The following NRIP1 variants were observed in gnomAD, a reference collection of about 807,000 sequenced individuals.
NRIP1 encodes the protein nuclear receptor interacting protein 1, also known as nuclear receptor-interacting protein 1.
Under a neutral mutation model 75.0 loss-of-function variants are expected in NRIP1, and 28 were observed. The ratio of observed to expected loss-of-function variants is 0.37; its 90% CI spans 0.28 to 0.51. The LOEUF is 0.51. NRIP1 is among the 20% of genes least tolerant of loss of function. The probability of loss-of-function intolerance (pLI) is 0.92; values close to 1 mark genes in which losing one functional copy is unlikely to be tolerated. For synonymous variants in NRIP1, 526 were observed against 487.6 expected (o/e 1.08, Z -1.04); for missense variants, 1,435 against 1,343.7 (o/e 1.07, Z -1.06).
chr21:14,994,125 G>T (rs1449650693), intron 3 of NRIP1, among the ~76,000 whole-genome samples: 1 of 151,924 alleles, frequency 6.6e-6, no homozygotes, highest in Non-Finnish European at 1.5e-5. Context: ...AGATTTTTTT[G>T]GGGGTGGGGT....
chr21:14,967,259 C>T lies in NRIP1; in HGVS notation c.934G>A (p.Val312Ile). 6.2e-7 allele frequency: 1 copy of T among 1,613,956 alleles called. No homozygotes were observed. The highest frequency in any genetic ancestry group is 1.7e-5 in the Admixed American group (1 of 59,962). ...ARLQENGQKDVGSYQLPKGMS... is the reference protein window; with the variant it reads ...ARLQENGQKDIGSYQLPKGMS... ...CCTTTTGGGAGCTGGTAACTGCCAA[C>T]ATCCTTCTGGCCATTTTCTTGCAAT... is the stretch of plus-strand genomic sequence containing the variant. The change falls in exon 4 of 4, where the codon GTT becomes ATT. Residue 312 changes from valine (V) to isoleucine (I), a missense_variant. Val to Ile is a conservative substitution (Grantham distance 29). Coordinates refer to ENST00000318948, the MANE Select transcript of NRIP1 (RefSeq NM_003489.4).
At position 14,975,945 on chromosome 21, in the gene NRIP1, T is replaced by C. The variant is rs146394425; in HGVS notation, c.-334-7419A>G. ...ATGGACATATATAGTAACAGCAAGG[T>C]ACTATGTTTGAGTCTATTAAGGACA... is the stretch of plus-strand genomic sequence containing the variant. On this transcript the variant is annotated intron_variant, in intron 3 of 3. Transcript: ENST00000318948. Among the ~76,000 whole-genome samples the C allele has an allele frequency of 9.4e-4, 143 of 152,296 alleles. 1 individual carries two copies. The highest frequency in any genetic ancestry group is 1.6e-3 in the Admixed American group (25 of 15,296).
rs767634577 is a variant in NRIP1 at position 14,965,640 on chromosome 21, A to G, written c.2553T>C (p.Asn851=). 4.3e-6 allele frequency: 7 copies of G among 1,613,114 alleles called. No homozygotes were observed. The highest frequency in any genetic ancestry group is 5.9e-6 in the Non-Finnish European group (7 of 1,179,892). The part of the protein sequence containing the change: ...NNEMALLESK[N]LCMVPKKRKL... ...TCCTTTTCTTAGGGACCATGCAAAG[A>G]TTCTTTGATTCTAGAAGTGCCATTT... Residue 851 remains asparagine (N), a synonymous_variant, in exon 4 of 4, where the codon AAT becomes AAC. Transcript: ENST00000318948.
At chr21:15,065,228 G>GTGGATTTCCTTCTCGCC (rs1429623086), upstream of NRIP1, among the ~76,000 whole-genome samples, 1 of 152,080 alleles carries the variant, frequency 6.6e-6, no homozygotes, top group African/African-American at 2.4e-5. Flanking sequence ...CCTCTGTTTC[G>GTGGATTTCCTTCTCGCC]TGGATTTCCT....
At chr21:15,029,752 G>C (rs1350005826) in intron 2 of NRIP1, among the ~76,000 whole-genome samples, 1 of 152,032 alleles carries the variant, frequency 6.6e-6, no homozygotes, top group Non-Finnish European at 1.5e-5. Context: ...GGAGTTTGAG[G>C]CTGTGGTGAG....
Position 14,967,970 on chromosome 21 carries a change from C to G in NRIP1, c.223G>C (p.Gly75Arg), listed in dbSNP as rs2086803190. 6.2e-7 allele frequency: 1 copy of G among 1,613,816 alleles called. No individual in the cohort carries two copies. Among genetic ancestry groups the G allele is most frequent in the African/African-American group, 1.3e-5 (1 of 74,898 alleles). ...TTTTTGAGGTGCAGCATGCCAGACC[C>G]CTGATATGTATGTGTATTGAGAACT... ...GPVLNTHTYQGSGMLHLKKAR... is the reference protein window; with the variant it reads ...GPVLNTHTYQRSGMLHLKKAR... Residue 75 changes from glycine to arginine, a missense_variant, in exon 4 of 4, where the codon GGG becomes CGG. By Grantham distance (125) the Gly-to-Arg change is moderately radical (BLOSUM62 -2). Transcript: ENST00000318948.
intron 2 of NRIP1, among the ~76,000 whole-genome samples, chr21:15,018,882 G>A (rs188319710): frequency 2.4e-4 from 36 of 152,028 alleles, no homozygotes; most frequent in African/African-American, 5.1e-4. Flanking sequence ...AGTGGTGAGC[G>A]CAAACATTCA....
intron 3 of NRIP1, among the ~76,000 whole-genome samples, chr21:15,010,073 A>G (rs2088066549): frequency 6.6e-6 from 1 of 152,222 alleles, no homozygotes; most frequent in South Asian, 2.1e-4. Flanking sequence ...TTAAATAAAT[A>G]AATGCAAAAA....
intron 3 of NRIP1, among the ~76,000 whole-genome samples, chr21:14,981,269 ATTTAT>A (rs1242661698): frequency 6.6e-6 from 1 of 152,212 alleles, no homozygotes; most frequent in Non-Finnish European, 1.5e-5. Flanking sequence ...AAATGGTTTT[ATTTAT>A]TTTTATTGAA....
intron 2 of NRIP1, among the ~76,000 whole-genome samples, chr21:15,017,005 AGAATGAAG>A (rs1466963412): frequency 6.6e-6 from 1 of 151,640 alleles, no homozygotes; most frequent in African/African-American, 2.4e-5. Flanking sequence ...GAAAAAGAAA[AGAATGAAG>A]GAAGGAAGGA....
chr21:15,048,582 C>G (rs1466986665), intron 1 of NRIP1, among the ~76,000 whole-genome samples: 2 of 152,180 alleles, frequency 1.3e-5, no homozygotes, highest in Non-Finnish European at 2.9e-5. Context: ...AAAGCATTAT[C>G]ATTTCCTATT....
In NRIP1 at chr21:14,966,786, G is replaced by C; in HGVS notation, c.1407C>G (p.Asn469Lys). The change falls in exon 4 of 4, where the codon AAC becomes AAG. Residue 469 changes from asparagine (N) to lysine (K), a missense_variant. Physicochemically the swap from Asn to Lys is moderately conservative, Grantham distance 94. Coordinates refer to ENST00000318948, the MANE Select transcript of NRIP1 (RefSeq NM_003489.4). ...CATCTGGGACTTTTGGATCCCAAGT[G>C]TTTAGCAAGGATTGAGTGAAGTTAT... ...SLDNFTQSLL[N>K]TWDPKVPDVD... The C allele has an allele frequency of 6.2e-7, 1 of 1,614,098 alleles. No individual in the cohort carries two copies. The highest frequency in any genetic ancestry group is 8.5e-7 in the Non-Finnish European group (1 of 1,180,004).
intron 3 of NRIP1, among the ~76,000 whole-genome samples, chr21:14,990,312 T>C (rs954586285): frequency 6.6e-6 from 1 of 152,204 alleles, no homozygotes; most frequent in South Asian, 2.1e-4. Flanking sequence ...ATTGCTGGCA[T>C]TCAGATACTG....
At chr21:14,985,205 G>A (rs575557678) in intron 3 of NRIP1, among the ~76,000 whole-genome samples, 1 of 152,208 alleles carries the variant, frequency 6.6e-6, no homozygotes, top group Admixed American at 6.5e-5. Context: ...AGAACATGCT[G>A]TAAACAGCAA....
chr21:15,024,742 G>A (rs1332285239), intron 2 of NRIP1, among the ~76,000 whole-genome samples: 2 of 152,040 alleles, frequency 1.3e-5, no homozygotes, highest in South Asian at 2.1e-4. Context: ...TGGGGAATTC[G>A]AGCCCAAGCT....
At chr21:15,028,494 A>G (rs1358551780) in intron 2 of NRIP1, among the ~76,000 whole-genome samples, 1 of 152,186 alleles carries the variant, frequency 6.6e-6, no homozygotes, top group Non-Finnish European at 1.5e-5. Context: ...CATCCACACC[A>G]TTAGTCCTTG....
chr21:14,982,699 T>A (rs7275740), intron 3 of NRIP1, among the ~76,000 whole-genome samples: 1 of 95,730 alleles, frequency 1.0e-5, no homozygotes, highest in Non-Finnish European at 2.1e-5. Context: ...TATTGTGGGG[T>A]TTTTTTTTGT....
intron 1 of NRIP1, among the ~76,000 whole-genome samples, chr21:15,064,343 C>T (rs1978642791): frequency 1.3e-5 from 2 of 152,204 alleles, no homozygotes; most frequent in Admixed American, 1.3e-4. Flanking sequence ...GCCCAGGATC[C>T]GGCTGGACAG....
Position 14,967,177 on chromosome 21 carries a change from C to T in NRIP1, c.1016G>A (p.Ser339Asn), listed in dbSNP as rs779737573. Residue 339 changes from serine to asparagine, a missense_variant, in exon 4 of 4, where the codon AGC becomes AAC. Ser to Asn is a conservative substitution (Grantham distance 46). Coordinates refer to ENST00000318948, the MANE Select transcript of NRIP1 (RefSeq NM_003489.4). ...TTGAAACACTGTAGCACTACTTTTG[C>T]TAGCCATCAGTTTGCTTGATGATGT... ...ARTSSSKLMA[S>N]KSSATVFQNP... 22 of 1,613,978 alleles carry T rather than the reference C, an allele frequency of 1.4e-5. No homozygotes were observed. The highest frequency in any genetic ancestry group is 1.9e-5 in the Non-Finnish European group (22 of 1,180,022).
Sources: gnomAD v4.1 joint callset for allele counts (sites outside exome capture counted in the v4.1 genomes callset) on GRCh38, gnomAD v4.1.1 for gene constraint, MANE v1.5 for transcripts, NCBI Gene and HGNC (gene_info 2026-07-23, HGNC 2026-07-21) for gene names.